The following BBS10 variants were observed in gnomAD, a reference collection of about 807,000 sequenced individuals.
BBS10 encodes Bardet-Biedl syndrome 10.
A neutral mutation model predicts 12.7 loss-of-function variants in BBS10; 13 were observed. That is an observed-to-expected ratio of 1.03 (90% confidence interval 0.67 to 1.63). The LOEUF is 1.63. Among genes scored for constraint, BBS10 ranks in the 40% most tolerant of loss-of-function variants. The pLI is 0.00. For missense variants in BBS10, 858 were observed against 858.0 expected (o/e 1.00, Z 0.00); for synonymous variants, 294 against 304.8 (o/e 0.96, Z 0.37).
In BBS10 at chr12:76,346,178, C is replaced by T. The variant is rs756523417; in HGVS notation, c.1807G>A (p.Gly603Ser). The T allele has an allele frequency of 6.2e-7, 1 of 1,611,052 alleles. No homozygotes were observed. The highest frequency in any genetic ancestry group is 8.5e-7 in the Non-Finnish European group (1 of 1,179,164). The change falls in exon 2 of 2, where the codon GGT (glycine) becomes AGT (serine). Residue 603 changes from glycine (G) to serine (S), a missense_variant. Transcript: ENST00000650064. ...TGTAACAAGATCTCAAAATTACCACCTACTGGCAAAACACAACCAGCTGGC... is the reference window on the plus strand; with the variant it reads ...TGTAACAAGATCTCAAAATTACCACTTACTGGCAAAACACAACCAGCTGGC... ...SMPAGCVLPVGGNFEILLHYY... is the reference protein window; with the variant it reads ...SMPAGCVLPVSGNFEILLHYY...
chr12:76,345,755 G>A lies in BBS10; in HGVS notation c.*58C>T, dbSNP rs1951752466. On this transcript the variant is annotated 3_prime_UTR_variant, in exon 2 of 2. Coordinates refer to ENST00000650064, the MANE Select transcript of BBS10 (RefSeq NM_024685.4). ...CTGACTTTAGAACCAGTGGTCACAT[G>A]ACTGCTTTACTTGGCTTGAGTTAGA... is the stretch of plus-strand genomic sequence containing the variant. 1.3e-6 allele frequency: 2 copies of A among 1,483,276 alleles called. No individual in the cohort carries two copies. Among genetic ancestry groups the A allele is most frequent in the Admixed American group, 1.8e-5 (1 of 56,888 alleles). The allele number at this position is 1,483,276 out of a possible 1,614,324, so 91.9% of individuals were successfully genotyped here.
In BBS10 at chr12:76,347,691, A is replaced by G. The variant is rs768441850; in HGVS notation, c.294T>C (p.His98=). The change falls in exon 2 of 2, where the codon CAT becomes CAC. Residue 98 remains histidine, a synonymous_variant. Transcript: ENST00000650064. The part of the protein sequence containing the change: ...IFLCHLLRGL[H]AITDREKDPL... Reference sequence around the variant, plus strand: ...GATCCTTTTCTCTGTCTGTGATTGCATGAAGTCCTCTAAGCAAATGGCAAA... The same window carrying G: ...GATCCTTTTCTCTGTCTGTGATTGCGTGAAGTCCTCTAAGCAAATGGCAAA... 3 of 1,612,808 alleles carry G rather than the reference A, an allele frequency of 1.9e-6. No homozygotes were observed. Among genetic ancestry groups the G allele is most frequent in the South Asian group, 1.1e-5 (1 of 91,070 alleles).
At position 76,346,732 on chromosome 12, in the gene BBS10, A is replaced by C; in HGVS notation, c.1253T>G (p.Leu418Arg). The part of the protein sequence containing the change: ...EQHEDALHGA[L>R]KMLRQLFKDL... ...TTTAAATAATTGCCGAAGCATTTTA[A>C]GTGCTCCATGTAAAGCATCCTCATG... is the stretch of plus-strand genomic sequence containing the variant. Residue 418 changes from leucine to arginine, a missense_variant, in exon 2 of 2, where the codon CTT (leucine) becomes CGT (arginine). Leu to Arg is a moderately radical substitution (Grantham distance 102). Coordinates refer to ENST00000650064, the MANE Select transcript of BBS10 (RefSeq NM_024685.4). The C allele has an allele frequency of 6.2e-7, 1 of 1,614,182 alleles. No individual in the cohort carries two copies. The highest frequency in any genetic ancestry group is 8.5e-7 in the Non-Finnish European group (1 of 1,180,010).
In BBS10 at chr12:76,347,349, C is replaced by T. The variant is rs774105191; in HGVS notation, c.636G>A (p.Glu212=). Residue 212 remains glutamate (E), a synonymous_variant, in exon 2 of 2, where the codon GAG becomes GAA. Coordinates refer to ENST00000650064, the MANE Select transcript of BBS10 (RefSeq NM_024685.4). The part of the protein sequence containing the change: ...MTCKSGIGVF[E]LVDDHFVELN... ...ACTCTACAAAATGGTCATCCACTAACTCAAATACACCAATCCCACTTTTAC... is the reference window on the plus strand; with the variant it reads ...ACTCTACAAAATGGTCATCCACTAATTCAAATACACCAATCCCACTTTTAC... 6.2e-7 allele frequency: 1 copy of T among 1,614,038 alleles called. No individual in the cohort carries two copies. Among genetic ancestry groups the T allele is most frequent in the South Asian group, 1.1e-5 (1 of 91,082 alleles).
chr12:76,347,117 T>C lies in BBS10; in HGVS notation c.868A>G (p.Ile290Val). 6.2e-7 allele frequency: 1 copy of C among 1,612,400 alleles called. No individual in the cohort carries two copies. Among genetic ancestry groups the C allele is most frequent in the South Asian group, 1.1e-5 (1 of 91,076 alleles). ...EAQFQTSQFW[I>V]MEKTKAIMKH... is the part of the protein sequence containing the mutation. ...ATTATTGCTTTTGTCTTTTCCATAA[T>C]CCAAAATTGAGATGTCTGAAACTGT... Residue 290 changes from isoleucine to valine, a missense_variant, in exon 2 of 2, where the codon ATT becomes GTT. By Grantham distance (29) the Ile-to-Val change is conservative (BLOSUM62 3). Coordinates refer to ENST00000650064, the MANE Select transcript of BBS10 (RefSeq NM_024685.4).
rs1408420856 is a variant in BBS10 at position 76,345,417 on chromosome 12, T to C, written c.*396A>G. The stretch of plus-strand genomic sequence containing the variant: ...TATTCAATATTAAAAACAATTAGAA[T>C]AAGCCCACCCAAATCAGAGATTAAA... On this transcript the variant is annotated 3_prime_UTR_variant, in exon 2 of 2. Coordinates refer to ENST00000650064, the MANE Select transcript of BBS10 (RefSeq NM_024685.4). 3 of 177,932 alleles carry C rather than the reference T, an allele frequency of 1.7e-5. No homozygotes were observed. The highest frequency in any genetic ancestry group is 7.1e-5 in the African/African-American group (3 of 42,150). 11.0% of individuals were successfully genotyped at this position (177,932 alleles called of 1,614,324 possible).
Position 76,344,834 on chromosome 12 carries a change from T to C in BBS10, c.*979A>G, listed in dbSNP as rs1011674525. On this transcript the variant is annotated 3_prime_UTR_variant, in exon 2 of 2. Transcript: ENST00000650064. ...GGGTATTACAGAGAACTGATAAAGG[T>C]AGAAAACACTGTCCTTGTCCATGAT... The C allele has an allele frequency of 2.0e-5, 3 of 152,178 alleles. No homozygotes were observed. Among genetic ancestry groups the C allele is most frequent in the South Asian group, 4.1e-4 (2 of 4,836 alleles). 9.4% of individuals were successfully genotyped at this position (152,178 alleles called of 1,614,324 possible). A position where few individuals can be genotyped will look rare whatever the true frequency, so the allele number is the denominator to read the frequency against.
rs750164736 is a variant in BBS10, at chr12:76,346,765, A to C, written c.1220T>G (p.Ile407Ser). Residue 407 changes from isoleucine (I) to serine (S), a missense_variant, in exon 2 of 2, where the codon ATT (isoleucine) becomes AGT (serine). Coordinates refer to ENST00000650064, the MANE Select transcript of BBS10 (RefSeq NM_024685.4). ...ATGTAAAGCATCCTCATGTTGTTCA[A>C]TGAGACCATGCACTGGTCCACAAAG... ...IVLCGPVHGL[I>S]EQHEDALHGA... is the part of the protein sequence containing the mutation. The C allele has an allele frequency of 2.5e-6, 4 of 1,614,044 alleles. No homozygotes were observed.
In BBS10 at chr12:76,345,710, A is replaced by G. The variant is rs1225994393; in HGVS notation, c.*103T>C. 9.4e-7 allele frequency: 1 copy of G among 1,062,116 alleles called. No homozygotes were observed. The highest frequency in any genetic ancestry group is 1.6e-5 in the African/African-American group (1 of 63,358). The allele number at this position is 1,062,116 out of a possible 1,614,324, so 65.8% of individuals were successfully genotyped here. ...TTCTAAAGACTTTTAAAGTTACGCT[A>G]TTTTCCTAAGTAGACTGAACTGACT... is the stretch of plus-strand genomic sequence containing the variant. On this transcript the variant is annotated 3_prime_UTR_variant, in exon 2 of 2. Coordinates refer to ENST00000650064, the MANE Select transcript of BBS10 (RefSeq NM_024685.4).
Position 76,346,000 on chromosome 12 carries a change from A to G in BBS10, c.1985T>C (p.Val662Ala). 6.2e-7 allele frequency: 1 copy of G among 1,614,042 alleles called. No individual in the cohort carries two copies. Among genetic ancestry groups the G allele is most frequent in the South Asian group, 1.1e-5 (1 of 91,080 alleles). ...GGGTTGATTGGTTTGCAGTGCATGG[A>G]CAGCTCTTATATATGTATGTGGAAA... is the stretch of plus-strand genomic sequence containing the variant. ...YSFPHTYIRA[V>A]HALQTNQPLV... Residue 662 changes from valine to alanine, a missense_variant, in exon 2 of 2, where the codon GTC becomes GCC. Coordinates refer to ENST00000650064, the MANE Select transcript of BBS10 (RefSeq NM_024685.4).
chr12:76,346,724 G>C lies in BBS10; in HGVS notation c.1261C>G (p.Leu421Val), dbSNP rs201172547. Residue 421 changes from leucine to valine, a missense_variant, in exon 2 of 2, where the codon CTT becomes GTT. Leu to Val is a conservative substitution (Grantham distance 32). Transcript: ENST00000650064. ...TCAAGGTCTTTAAATAATTGCCGAA[G>C]CATTTTAAGTGCTCCATGTAAAGCA... Reference protein sequence around the residue: ...EDALHGALKMLRQLFKDLDLN... With the variant: ...EDALHGALKMVRQLFKDLDLN... 1 of 1,614,006 alleles carries C rather than the reference G, an allele frequency of 6.2e-7. No homozygotes were observed. Among genetic ancestry groups the C allele is most frequent in the Non-Finnish European group, 8.5e-7 (1 of 1,180,002 alleles).
chr12:76,345,791 GGTTA>G lies in BBS10; in HGVS notation c.*18_*21del. On this transcript the variant is annotated 3_prime_UTR_variant, in exon 2 of 2. Transcript: ENST00000650064. ...TTGGCTTGAGTTAGATGAAAAGTTTGGTTAATTAAAAACTTCTGATGTTATAGTT... is the reference window on the plus strand; with the variant it reads ...TTGGCTTGAGTTAGATGAAAAGTTTGATTAAAAACTTCTGATGTTATAGTT... The G allele has an allele frequency of 6.2e-7, 1 of 1,602,450 alleles. No homozygotes were observed. The highest frequency in any genetic ancestry group is 8.5e-7 in the Non-Finnish European group (1 of 1,171,598).
rs1356356991 is a variant in BBS10, at chr12:76,345,421, C to A, written c.*392G>T. ...CAATATTAAAAACAATTAGAATAAG[C>A]CCACCCAAATCAGAGATTAAATGAT... On this transcript the variant is annotated 3_prime_UTR_variant, in exon 2 of 2. Transcript: ENST00000650064. 2 of 178,270 alleles carry A rather than the reference C, an allele frequency of 1.1e-5. No homozygotes were observed. The highest frequency in any genetic ancestry group is 1.2e-5 in the Non-Finnish European group (1 of 82,654). The allele number at this position is 178,270 out of a possible 1,614,324, so 11.0% of individuals were successfully genotyped here. A position where few individuals can be genotyped will look rare whatever the true frequency, so the allele number is the denominator to read the frequency against.
chr12:76,348,276 C>G lies in BBS10; in HGVS notation c.83G>C (p.Cys28Ser), dbSNP rs755657515. The change falls in exon 1 of 2, where the codon TGC (cysteine) becomes TCC (serine). Residue 28 changes from cysteine to serine, a missense_variant. Coordinates refer to ENST00000650064, the MANE Select transcript of BBS10 (RefSeq NM_024685.4). ...AACTTGCCGTCCCTCGGGCCCCACG[C>G]AGCAGCTCACGATGGCTTCCAGCAC... ...AEVLEAIVSC[C>S]VGPEGRQVLC... is the part of the protein sequence containing the mutation. 4 of 1,613,006 alleles carry G rather than the reference C, an allele frequency of 2.5e-6. No homozygotes were observed. In the Admixed American group the frequency reaches 6.7e-5, roughly 27 times the overall value.
At position 76,347,106 on chromosome 12, in the gene BBS10, C is replaced by T. The variant is rs2136090790; in HGVS notation, c.879G>A (p.Lys293=). 1.9e-6 allele frequency: 3 copies of T among 1,612,548 alleles called. No homozygotes were observed. The highest frequency in any genetic ancestry group is 2.5e-6 in the Non-Finnish European group (3 of 1,179,738). ...GTAGATGTTTCATTATTGCTTTTGT[C>T]TTTTCCATAATCCAAAATTGAGATG... ...FQTSQFWIME[K]TKAIMKHLHS... The change falls in exon 2 of 2, where the codon AAG becomes AAA. Residue 293 remains lysine, a synonymous_variant. Coordinates refer to ENST00000650064, the MANE Select transcript of BBS10 (RefSeq NM_024685.4).
In BBS10 at chr12:76,347,121, A is replaced by G; in HGVS notation, c.864T>C (p.Phe288=). 6.2e-7 allele frequency: 1 copy of G among 1,612,406 alleles called. No homozygotes were observed. Among genetic ancestry groups the G allele is most frequent in the Non-Finnish European group, 8.5e-7 (1 of 1,179,860 alleles). The part of the protein sequence containing the change: ...NSEAQFQTSQ[F]WIMEKTKAIM... Reference sequence around the variant, plus strand: ...TTGCTTTTGTCTTTTCCATAATCCAAAATTGAGATGTCTGAAACTGTGCTT... The same window carrying G: ...TTGCTTTTGTCTTTTCCATAATCCAGAATTGAGATGTCTGAAACTGTGCTT... The change falls in exon 2 of 2, where the codon TTT becomes TTC. Residue 288 remains phenylalanine (F), a synonymous_variant. Transcript: ENST00000650064.
chr12:76,347,805 A>C lies in BBS10; in HGVS notation c.198-18T>G, dbSNP rs549219269. 1 of 1,598,262 alleles carries C rather than the reference A, an allele frequency of 6.3e-7. No individual in the cohort carries two copies. The highest frequency in any genetic ancestry group is 1.3e-5 in the African/African-American group (1 of 74,878). ...CTATCATCCTGTACAAAAAAGAAATAAAGCAACTCATTTTCAGAAGGCTGG... is the reference window on the plus strand; with the variant it reads ...CTATCATCCTGTACAAAAAAGAAATCAAGCAACTCATTTTCAGAAGGCTGG... On this transcript the variant is annotated intron_variant, in intron 1 of 1. Transcript: ENST00000650064.
chr12:76,345,758 T>C lies in BBS10; in HGVS notation c.*55A>G. On this transcript the variant is annotated 3_prime_UTR_variant, in exon 2 of 2. Transcript: ENST00000650064. ...ACTTTAGAACCAGTGGTCACATGAC[T>C]GCTTTACTTGGCTTGAGTTAGATGA... is the stretch of plus-strand genomic sequence containing the variant. 6.7e-7 allele frequency: 1 copy of C among 1,503,700 alleles called. No homozygotes were observed. Among genetic ancestry groups the C allele is most frequent in the Non-Finnish European group, 9.2e-7 (1 of 1,087,190 alleles). The allele number at this position is 1,503,700 out of a possible 1,614,324, so 93.1% of individuals were successfully genotyped here. A position where few individuals can be genotyped will look rare whatever the true frequency, so the allele number is the denominator to read the frequency against.
chr12:76,345,753 A>G lies in BBS10; in HGVS notation c.*60T>C. The G allele has an allele frequency of 6.8e-7, 1 of 1,477,894 alleles. No individual in the cohort carries two copies. The highest frequency in any genetic ancestry group is 9.4e-7 in the Non-Finnish European group (1 of 1,065,006). 91.5% of individuals were successfully genotyped at this position (1,477,894 alleles called of 1,614,324 possible). A position where few individuals can be genotyped will look rare whatever the true frequency, so the allele number is the denominator to read the frequency against. On this transcript the variant is annotated 3_prime_UTR_variant, in exon 2 of 2. Coordinates refer to ENST00000650064, the MANE Select transcript of BBS10 (RefSeq NM_024685.4). Reference sequence around the variant, plus strand: ...AACTGACTTTAGAACCAGTGGTCACATGACTGCTTTACTTGGCTTGAGTTA... The same window carrying G: ...AACTGACTTTAGAACCAGTGGTCACGTGACTGCTTTACTTGGCTTGAGTTA...
Sources: allele counts gnomAD v4.1 joint callset, GRCh38; gene constraint gnomAD v4.1.1; transcripts MANE v1.5; gene names NCBI Gene and HGNC (gene_info 2026-07-23, HGNC 2026-07-21).